The following THSD7B variants were observed in gnomAD, a reference collection of about 807,000 sequenced individuals.
The protein encoded by THSD7B is thrombospondin type 1 domain containing 7B, also known as thrombospondin type-1 domain-containing protein 7B.
A neutral mutation model predicts 213.6 loss-of-function variants in THSD7B; 138 were observed. The observed-to-expected ratio is 0.65, with a 90% CI of 0.56 to 0.74. THSD7B has a LOEUF of 0.74. Ranked by LOEUF, THSD7B falls within the 30% of genes least tolerant of loss-of-function variation. THSD7B has a pLI of 0.00. For missense variants in THSD7B, 1,931 were observed against 1,991.5 expected (o/e 0.97, Z 0.58); for synonymous variants, 742 against 687.0 (o/e 1.08, Z -1.25).
intron 10 of THSD7B, among the ~76,000 whole-genome samples, chr2:137,272,057 A>G (rs1682751598): frequency 6.6e-6 from 1 of 152,160 alleles, no homozygotes; most frequent in Admixed American, 6.6e-5. Flanking sequence ...TAAGAAATCT[A>G]ATAAACTAAT....
At chr2:137,029,358 C>A (rs1183872957) in intron 2 of THSD7B, among the ~76,000 whole-genome samples, 1 of 152,088 alleles carries the variant, frequency 6.6e-6, no homozygotes, top group South Asian at 2.1e-4. Flanking sequence ...AGGTTACAGG[C>A]ACCATGCCAA....
chr2:137,297,134 T>C (rs1683485003), intron 12 of THSD7B, among the ~76,000 whole-genome samples: 1 of 148,110 alleles, frequency 6.8e-6, no homozygotes, highest in African/African-American at 2.5e-5. Flanking sequence ...AAGTATCTAG[T>C]AGGCCTGGAG....
At chr2:137,538,309 C>G (rs1173604354) in intron 15 of THSD7B, among the ~76,000 whole-genome samples, 1 of 151,580 alleles carries the variant, frequency 6.6e-6, no homozygotes, top group African/African-American at 2.4e-5. Flanking sequence ...AAGTATTTTG[C>G]TCGAGACTGG....
intron 7 of THSD7B, among the ~76,000 whole-genome samples, chr2:137,175,461 C>G (rs1048027610): frequency 6.6e-6 from 1 of 152,138 alleles, no homozygotes; most frequent in Non-Finnish European, 1.5e-5. Flanking sequence ...CCCTTGCATA[C>G]AAGGTTTTTT....
intron 12 of THSD7B, among the ~76,000 whole-genome samples, chr2:137,304,740 A>G (rs1683704172): frequency 6.6e-6 from 1 of 152,026 alleles, no homozygotes; most frequent in Admixed American, 6.5e-5. Context: ...GGCTCTCTTT[A>G]GGAATTTTTT....
chr2:137,606,927 T>C (rs1682192074), intron 17 of THSD7B, among the ~76,000 whole-genome samples: 1 of 151,972 alleles, frequency 6.6e-6, no homozygotes, highest in Non-Finnish European at 1.5e-5. Context: ...TTGGGTGGCA[T>C]ATAGATAAAT....
chr2:137,449,607 C>T (rs1687607531), intron 14 of THSD7B, among the ~76,000 whole-genome samples: 1 of 152,168 alleles, frequency 6.6e-6, no homozygotes, highest in Admixed American at 6.5e-5. Context: ...CCTGAAGGCC[C>T]TGTGTTCTGC....
At chr2:136,916,458 CTTAG>C (rs748224238) in intron 2 of THSD7B, among the ~76,000 whole-genome samples, 19 of 152,288 alleles carry the variant, frequency 1.2e-4, no homozygotes, top group Non-Finnish European at 2.1e-4. Flanking sequence ...GCAAAGGAGG[CTTAG>C]TTAGCCCTGT....
intron 7 of THSD7B, among the ~76,000 whole-genome samples, chr2:137,176,897 G>C (rs1232066112): frequency 6.6e-6 from 1 of 152,090 alleles, no homozygotes; most frequent in Non-Finnish European, 1.5e-5. Flanking sequence ...CTGGCTCCCT[G>C]GCATGGCTTC....
At chr2:137,335,155 A>G (rs1204288775) in intron 12 of THSD7B, among the ~76,000 whole-genome samples, 2 of 152,198 alleles carry the variant, frequency 1.3e-5, no homozygotes, top group Admixed American at 1.3e-4. Context: ...TTTCTATGGG[A>G]AAATGTAGTA....
chr2:137,327,502 C>T (rs78886597), intron 12 of THSD7B, among the ~76,000 whole-genome samples: 3,748 of 152,184 alleles, frequency 0.025, 68 homozygotes, highest in Middle Eastern at 0.054. Flanking sequence ...TCTTTCTCCT[C>T]TGCTCTCTAT....
intron 21 of THSD7B, among the ~76,000 whole-genome samples, chr2:137,654,333 T>G (rs980836239): frequency 1.3e-5 from 2 of 152,206 alleles, no homozygotes; most frequent in African/African-American, 2.4e-5. Context: ...CACTTTGACT[T>G]GGTATCTCCT....
At chr2:136,985,616 C>A (rs1395010017) in intron 2 of THSD7B, among the ~76,000 whole-genome samples, 1 of 152,230 alleles carries the variant, frequency 6.6e-6, no homozygotes, top group African/African-American at 2.4e-5. Context: ...AGTGGTGGAA[C>A]CCTCATAGAG....
At chr2:137,019,908 C>G (rs1334798327) in intron 2 of THSD7B, among the ~76,000 whole-genome samples, 1 of 152,030 alleles carries the variant, frequency 6.6e-6, no homozygotes, top group Non-Finnish European at 1.5e-5. Flanking sequence ...GATAGTTACC[C>G]GTGGTGTAAT....
At chr2:136,814,379 T>G (rs1290778347) in intron 1 of THSD7B, among the ~76,000 whole-genome samples, 1 of 151,686 alleles carries the variant, frequency 6.6e-6, no homozygotes, top group Admixed American at 6.6e-5. Flanking sequence ...GTAAGATTTG[T>G]TTTTTTTCTT....
intron 14 of THSD7B, among the ~76,000 whole-genome samples, chr2:137,445,603 G>A (rs996850984): frequency 5.3e-5 from 8 of 151,854 alleles, no homozygotes; most frequent in African/African-American, 1.7e-4. Context: ...TGGTTCCAGA[G>A]GCTGGAAAGG....
intron 2 of THSD7B, among the ~76,000 whole-genome samples, chr2:136,968,534 A>G (rs1028268799): frequency 3.3e-5 from 5 of 152,038 alleles, no homozygotes; most frequent in Non-Finnish European, 5.9e-5. Context: ...GTTATATATG[A>G]TGCAAATATA....
chr2:136,920,828 G>C (rs533265737), intron 2 of THSD7B, among the ~76,000 whole-genome samples: 17 of 152,128 alleles, frequency 1.1e-4, no homozygotes, highest in Non-Finnish European at 1.5e-5. Flanking sequence ...AGAAGGAGCC[G>C]AAGTGGCAGG....
intron 10 of THSD7B, among the ~76,000 whole-genome samples, chr2:137,258,371 TC>T (rs1682357468): frequency 6.6e-6 from 1 of 152,018 alleles, no homozygotes; most frequent in Non-Finnish European, 1.5e-5. Context: ...GGGGAAGTGG[TC>T]CTCTTTTGCT....
Sources: allele counts gnomAD v4.1 joint callset (sites outside exome capture counted in the v4.1 genomes callset), GRCh38; gene constraint gnomAD v4.1.1; transcripts MANE v1.5; gene names NCBI Gene and HGNC (gene_info 2026-07-23, HGNC 2026-07-21).